Variants in SULT1E1 observed in about 807,000 individuals in gnomAD.
The protein encoded by SULT1E1 is sulfotransferase 1E1.
Under a neutral mutation model 33.6 loss-of-function variants are expected in SULT1E1, and 36 were observed. That is an observed-to-expected ratio of 1.07 (90% CI 0.82 to 1.41). The LOEUF is 1.41. Among genes scored for constraint, SULT1E1 ranks in the 40% most tolerant of loss-of-function variants. SULT1E1 has a pLI of 0.00. For missense variants in SULT1E1, 371 were observed against 345.7 expected, an observed-to-expected ratio of 1.07 and a Z score of -0.58; for synonymous variants, 121 against 111.7, an observed-to-expected ratio of 1.08 and a Z score of -0.53.
chr4:69,854,118 T>TAA, intron 4 of SULT1E1, 99 bp downstream of exon 4: 1 of 738,064 alleles, frequency 1.4e-6, no homozygotes, highest in Non-Finnish European at 2.2e-6. Flanking sequence ...GTCTATAGAT[T>TAA]CAATGAAAGA....
rs147326986 is a variant in SULT1E1, at chr4:69,845,183, A to G, written c.592-842T>C. ...CAAAAGAGAAGTGGGGATAGTTAATAAGTACAAAAATAGAGCTAGATAGAA... is the reference window on the plus strand; with the variant it reads ...CAAAAGAGAAGTGGGGATAGTTAATGAGTACAAAAATAGAGCTAGATAGAA... On this transcript the variant is annotated intron_variant, in intron 6 of 7. Coordinates refer to ENST00000226444, the MANE Select transcript of SULT1E1 (RefSeq NM_005420.3). 2.0e-3 allele frequency among the ~76,000 whole-genome samples: 308 copies of G among 152,156 alleles called. 2 individuals are homozygous for G. The highest frequency in any genetic ancestry group is 7.2e-3 in the African/African-American group (301 of 41,562).
At chr4:69,844,479 G>A (rs796374664) in intron 6 of SULT1E1, 138 bp from the exon 7 acceptor site, 10 of 655,672 alleles carry the variant, frequency 1.5e-5, no homozygotes, top group South Asian at 7.9e-5. Context: ...TCTAATTGGG[G>A]GAATTTTATA....
At chr4:69,846,794 T>G (rs776235050) in intron 6 of SULT1E1, among the ~76,000 whole-genome samples, 7 of 151,742 alleles carry the variant, frequency 4.6e-5, no homozygotes, top group Non-Finnish European at 7.4e-5. Flanking sequence ...TTTAAATTGT[T>G]ATCAGTGTAG....
the SULT1E1 span, among the ~76,000 whole-genome samples, chr4:69,821,577 T>C: frequency 6.6e-6 from 1 of 152,178 alleles, no homozygotes; most frequent in African/African-American, 2.4e-5. Context: ...AGTTTCTCTA[T>C]CAATGAAGAT....
At chr4:69,840,684 C>A (rs551785071), downstream of SULT1E1, among the ~76,000 whole-genome samples, 2 of 152,198 alleles carry the variant, frequency 1.3e-5, no homozygotes, top group South Asian at 4.1e-4. Flanking sequence ...GTTTGGAAAT[C>A]TGTTGTGTTA....
downstream of SULT1E1, among the ~76,000 whole-genome samples, chr4:69,839,223 G>A (rs956978881): frequency 5.3e-5 from 8 of 152,194 alleles, no homozygotes; most frequent in Non-Finnish European, 7.4e-5. Flanking sequence ...AAATCCAGAA[G>A]TTTGTTTGGC....
the SULT1E1 span, among the ~76,000 whole-genome samples, chr4:69,825,653 T>C: frequency 1.5e-3 from 224 of 152,284 alleles, 1 homozygote; most frequent in Admixed American, 4.7e-3. Flanking sequence ...GCTTTTCCTG[T>C]ACTTCTGGGC....
chr4:69,854,281 C>T lies in SULT1E1; in HGVS notation c.305G>A (p.Arg102Lys). Residue 102 changes from arginine (R) to lysine (K), a missense_variant, in exon 4 of 8, where the codon AGA becomes AAA. Transcript: ENST00000226444. ...AGGTGGCAAATGAGTCTTCACAATT[C>T]TAGGAGAATTCATCTCATCTAATTG... The part of the protein sequence containing the change: ...VKQLDEMNSP[R>K]IVKTHLPPEL... 6.2e-7 allele frequency: 1 copy of T among 1,611,548 alleles called. No individual in the cohort carries two copies. Among genetic ancestry groups the T allele is most frequent in the Non-Finnish European group, 8.5e-7 (1 of 1,178,438 alleles).
the SULT1E1 span, among the ~76,000 whole-genome samples, chr4:69,828,395 A>G: frequency 7.9e-5 from 12 of 152,226 alleles, no homozygotes; most frequent in African/African-American, 2.6e-4. Flanking sequence ...AAGACCATGA[A>G]CCCACCAGGA....
At chr4:69,858,300 T>C (rs1401884897) in intron 1 of SULT1E1, among the ~76,000 whole-genome samples, 2 of 152,152 alleles carry the variant, frequency 1.3e-5, no homozygotes, top group Non-Finnish European at 2.9e-5. Context: ...AATAAGGTAG[T>C]GGATACTCCC....
the SULT1E1 span, among the ~76,000 whole-genome samples, chr4:69,827,710 A>G: frequency 2.0e-5 from 3 of 152,188 alleles, no homozygotes; most frequent in Non-Finnish European, 4.4e-5. Flanking sequence ...TCGGTGTTCT[A>G]TAATAGGGCC....
the SULT1E1 span, among the ~76,000 whole-genome samples, chr4:69,822,589 T>A: frequency 6.6e-6 from 1 of 152,208 alleles, no homozygotes; most frequent in African/African-American, 2.4e-5. Flanking sequence ...CTGGACCCTG[T>A]CTGTAGAAAA....
intron 3 of SULT1E1, 65 bp from the exon 4 acceptor site, chr4:69,854,379 T>C (rs557467390): frequency 1.8e-5 from 17 of 940,336 alleles, no homozygotes; most frequent in Middle Eastern, 2.4e-4. Context: ...TGGATTTATA[T>C]AGATATTTGT....
At chr4:69,846,806 G>T (rs1720986448) in intron 6 of SULT1E1, among the ~76,000 whole-genome samples, 1 of 151,538 alleles carries the variant, frequency 6.6e-6, no homozygotes. Flanking sequence ...TCAGTGTAGT[G>T]GGTGTAAAAC....
intron 2 of SULT1E1, among the ~76,000 whole-genome samples, chr4:69,856,496 C>T (rs904938829): frequency 6.6e-6 from 1 of 152,106 alleles, no homozygotes; most frequent in Non-Finnish European, 1.5e-5. Flanking sequence ...ATGACCAAAA[C>T]GTTTTGACTG....
chr4:69,831,720 G>A, the SULT1E1 span, among the ~76,000 whole-genome samples: 3 of 152,040 alleles, frequency 2.0e-5, no homozygotes, highest in Non-Finnish European at 2.9e-5. Context: ...CTCCTATTAC[G>A]GGAGTTTTCA....
intron 3 of SULT1E1, among the ~76,000 whole-genome samples, chr4:69,854,594 G>A (rs1319868436): frequency 1.3e-5 from 2 of 151,728 alleles, no homozygotes; most frequent in Non-Finnish European, 2.9e-5. Flanking sequence ...TCTATATTGT[G>A]TTCATAATAA....
chr4:69,847,633 A>G (rs961350382), intron 6 of SULT1E1, 65 bp downstream of exon 6: 2 of 1,082,498 alleles, frequency 1.8e-6, no homozygotes, highest in Non-Finnish European at 2.7e-6. Flanking sequence ...TTTTGTATCC[A>G]GAGTATTTTC....
the SULT1E1 span, among the ~76,000 whole-genome samples, chr4:69,828,734 G>T: frequency 1.3e-5 from 2 of 152,194 alleles, no homozygotes; most frequent in Non-Finnish European, 2.9e-5. Flanking sequence ...ATTCACTACC[G>T]AGCCATCTTT....
Sources: allele counts gnomAD v4.1 joint callset (sites outside exome capture counted in the v4.1 genomes callset), GRCh38; gene constraint gnomAD v4.1.1; transcripts MANE v1.5; gene names NCBI Gene and HGNC (gene_info 2026-07-23, HGNC 2026-07-21).